USP48: variants seen among roughly 807,000 people sequenced by gnomAD.
USP48 encodes the protein ubiquitin carboxyl-terminal hydrolase 48.
Under a neutral mutation model 150.7 loss-of-function variants are expected in USP48, and 43 were observed. That is an observed-to-expected ratio of 0.29 (90% CI 0.22 to 0.37). The LOEUF (loss-of-function observed/expected upper bound fraction) is 0.37, where lower values mean the gene tolerates loss of function less well. Ranked by LOEUF, USP48 falls within the 10% of genes least tolerant of loss-of-function variation. The pLI is 1.00. For missense variants in USP48, 813 were observed against 1,249.6 expected (o/e 0.65, Z 5.27); for synonymous variants, 396 against 425.9 (o/e 0.93, Z 0.86).
At chr1:21,755,516 C>T (rs181469704) in intron 3 of USP48, among the ~76,000 whole-genome samples, 5 of 152,022 alleles carry the variant, frequency 3.3e-5, no homozygotes, top group Admixed American at 2.0e-4. Flanking sequence ...GAGCTGTGCT[C>T]GCACCAGCCT....
chr1:21,701,665 T>A, intron 21 of USP48, 63 bp from the exon 22 acceptor site: 1 of 1,442,564 alleles, frequency 6.9e-7, no homozygotes, highest in African/African-American at 1.4e-5. Flanking sequence ...CTATGGAGGA[T>A]GTGGGGGCTG....
At chr1:21,756,113 C>T (rs934624033) in intron 3 of USP48, among the ~76,000 whole-genome samples, 4 of 150,686 alleles carry the variant, frequency 2.7e-5, no homozygotes, top group East Asian at 1.9e-4. Flanking sequence ...TGTGGTGAAC[C>T]GAGATTGTGC....
At chr1:21,777,895 A>G (rs1405917141) in intron 1 of USP48, among the ~76,000 whole-genome samples, 1 of 150,648 alleles carries the variant, frequency 6.6e-6, no homozygotes, top group South Asian at 2.1e-4. Context: ...TGGGAGGCTG[A>G]GGTGGGCGTA....
At chr1:21,691,968 G>A (rs1558993840) in intron 23 of USP48, among the ~76,000 whole-genome samples, 1 of 152,112 alleles carries the variant, frequency 6.6e-6, no homozygotes, top group Non-Finnish European at 1.5e-5. Context: ...TCTATTCTTT[G>A]GATGTGGAAA....
intron 14 of USP48, among the ~76,000 whole-genome samples, chr1:21,719,856 C>T (rs935228731): frequency 6.6e-6 from 1 of 151,650 alleles, no homozygotes; most frequent in Non-Finnish European, 1.5e-5. Flanking sequence ...TGCACTCCAG[C>T]CTGAGCAAAA....
At chr1:21,729,281 CAA>C (rs57704127) in intron 10 of USP48, among the ~76,000 whole-genome samples, 31 of 90,340 alleles carry the variant, frequency 3.4e-4, no homozygotes, top group Admixed American at 5.1e-4. Context: ...GACTCCGCCT[CAA>C]AAAAAAAAAA....
intron 25 of USP48, chr1:21,686,904 T>C (rs977291630): frequency 1.2e-5 from 5 of 413,538 alleles, no homozygotes; most frequent in Non-Finnish European, 2.2e-5. Flanking sequence ...AATTTGTGTG[T>C]GCCTGTCTGG....
At chr1:21,734,994 T>C (rs2097765561) in intron 9 of USP48, among the ~76,000 whole-genome samples, 1 of 152,180 alleles carries the variant, frequency 6.6e-6, no homozygotes, top group African/African-American at 2.4e-5. Flanking sequence ...AGCAACCAGC[T>C]CATTTTCCAC....
chr1:21,769,635 C>A (rs1054391510), intron 1 of USP48, among the ~76,000 whole-genome samples: 36 of 152,088 alleles, frequency 2.4e-4, no homozygotes, highest in African/African-American at 8.5e-4. Flanking sequence ...TGGTCTTGAA[C>A]TCCTGGCCTC....
At chr1:21,779,219 A>G (rs548012222) in intron 1 of USP48, among the ~76,000 whole-genome samples, 255 of 152,180 alleles carry the variant, frequency 1.7e-3, no homozygotes, top group Non-Finnish European at 3.2e-3. Context: ...TGTGTTACAG[A>G]GTGAGACCTC....
intron 25 of USP48, among the ~76,000 whole-genome samples, chr1:21,684,232 T>C (rs1273860797): frequency 1.3e-5 from 2 of 152,252 alleles, no homozygotes; most frequent in Non-Finnish European, 1.5e-5. Context: ...ATGGCTGTAC[T>C]AATTTACATT....
chr1:21,782,743 C>T (rs1186789221), intron 1 of USP48, 81 bp downstream of exon 1: 4 of 1,441,132 alleles, frequency 2.8e-6, no homozygotes, highest in Non-Finnish European at 3.6e-6. Context: ...CAAAGGGCTG[C>T]CGTCTTCCTT....
chr1:21,704,112 A>C, intron 20 of USP48, 150 bp downstream of exon 20: 1 of 829,550 alleles, frequency 1.2e-6, no homozygotes, highest in South Asian at 1.9e-5. Flanking sequence ...ATAAACGTAC[A>C]AATAATGGGA....
intron 22 of USP48, among the ~76,000 whole-genome samples, chr1:21,697,059 T>C (rs2097635779): frequency 6.6e-6 from 1 of 152,164 alleles, no homozygotes; most frequent in African/African-American, 2.4e-5. Context: ...CAGTCGTCAC[T>C]GAATGTCAGC....
chr1:21,751,456 G>T, intron 6 of USP48, 51 bp downstream of exon 6: 2 of 1,350,408 alleles, frequency 1.5e-6, no homozygotes, highest in Non-Finnish European at 2.1e-6. Flanking sequence ...ATTCAGAACA[G>T]CATTTAACTG....
chr1:21,682,536 T>C (rs1411472235), intron 25 of USP48, among the ~76,000 whole-genome samples: 1 of 152,080 alleles, frequency 6.6e-6, no homozygotes, highest in Non-Finnish European at 1.5e-5. Flanking sequence ...CAGGCTCTCA[T>C]TCCTCAACTA....
intron 1 of USP48, among the ~76,000 whole-genome samples, chr1:21,765,488 G>A (rs1450556733): frequency 6.6e-6 from 1 of 151,940 alleles, no homozygotes; most frequent in Non-Finnish European, 1.5e-5. Context: ...ATGGTGGCAC[G>A]CGCCTGTAGT....
chr1:21,685,612 G>C (rs1037506762), intron 25 of USP48, among the ~76,000 whole-genome samples: 3 of 152,196 alleles, frequency 2.0e-5, no homozygotes, highest in Non-Finnish European at 2.9e-5. Flanking sequence ...ACTGCGCCCA[G>C]CCGCTTTCTT....
chr1:21,765,890 G>T, intron 1 of USP48, among the ~76,000 whole-genome samples: 1 of 100,916 alleles, frequency 9.9e-6, no homozygotes, highest in Non-Finnish European at 1.8e-5. Flanking sequence ...AACAAAGTGA[G>T]ACTCCATCTC....
Sources: gnomAD v4.1 joint callset for allele counts (sites outside exome capture counted in the v4.1 genomes callset) on GRCh38, gnomAD v4.1.1 for gene constraint, MANE v1.5 for transcripts, NCBI Gene and HGNC (gene_info 2026-07-23, HGNC 2026-07-21) for gene names.